Variants in DCHS2 observed in about 807,000 individuals in gnomAD.
DCHS2 encodes protocadherin-23.
A neutral mutation model predicts 182.4 loss-of-function variants in DCHS2; 142 were observed. The observed-to-expected ratio is 0.78, with a 90% confidence interval of 0.68 to 0.89. The LOEUF (loss-of-function observed/expected upper bound fraction) is 0.89, where lower values mean the gene tolerates loss of function less well. DCHS2 is among the 40% of genes least tolerant of loss of function. The pLI is 0.00. For missense variants in DCHS2, 4,319 were observed against 4,198.6 expected, an observed-to-expected ratio of 1.03 and a Z score of -0.79; for synonymous variants, 1,740 against 1,663.3, an observed-to-expected ratio of 1.05 and a Z score of -1.12.
chr4:154,304,972 G>A, intron 11 of DCHS2, 94 bp from the exon 12 acceptor site: 1 of 1,508,256 alleles, frequency 6.6e-7, no homozygotes, highest in Non-Finnish European at 8.8e-7. Context: ...TAACCAGGTA[G>A]CACTGGCTCA....
intron 16 of DCHS2, among the ~76,000 whole-genome samples, chr4:154,248,355 A>T (rs1242155239): frequency 6.6e-6 from 1 of 152,194 alleles, no homozygotes; most frequent in Admixed American, 6.5e-5. Context: ...CAGGAAGTTA[A>T]GAGATAATGT....
chr4:154,238,245 C>T (rs1000757057), intron 19 of DCHS2, among the ~76,000 whole-genome samples: 1 of 152,170 alleles, frequency 6.6e-6, no homozygotes. Context: ...CGTTCATCCA[C>T]AGGCAGCATG....
rs116814307 is a variant in DCHS2, at chr4:154,255,570, C to T, written c.6890G>A (p.Gly2297Asp). ...TAGAATCGCTTTTGTTGTTATCACACCACTCAGTGCATCAATCTGGAATGC... is the reference window on the plus strand; with the variant it reads ...TAGAATCGCTTTTGTTGTTATCACATCACTCAGTGCATCAATCTGGAATGC... Reference protein sequence around the residue: ...EEAFQIDALSGVITTKAILDY... With the variant: ...EEAFQIDALSDVITTKAILDY... Residue 2297 changes from glycine to aspartate, a missense_variant, in exon 16 of 20, where the codon GGT becomes GAT. By Grantham distance (94) the Gly-to-Asp change is moderately conservative. Coordinates refer to ENST00000357232, the MANE Select transcript of DCHS2 (RefSeq NM_001358235.2). The T allele has an allele frequency of 1.5e-4, 239 of 1,614,012 alleles. No individual in the cohort carries two copies. In the African/African-American group the frequency reaches 3.0e-3, roughly 20 times the overall value.
chr4:154,373,695 G>T (rs1467037868), intron 2 of DCHS2, among the ~76,000 whole-genome samples: 2 of 152,126 alleles, frequency 1.3e-5, no homozygotes, highest in Non-Finnish European at 1.5e-5. Flanking sequence ...TCCAGGAGGG[G>T]CCCTGCTTCC....
intron 10 of DCHS2, among the ~76,000 whole-genome samples, chr4:154,313,756 G>A (rs1735754488): frequency 6.6e-6 from 1 of 152,140 alleles, no homozygotes; most frequent in Non-Finnish European, 1.5e-5. Context: ...GAGATTTCCA[G>A]TAAATCAAAA....
At chr4:154,408,599 T>C (rs1270196395) in intron 1 of DCHS2, among the ~76,000 whole-genome samples, 1 of 152,182 alleles carries the variant, frequency 6.6e-6, no homozygotes, top group Non-Finnish European at 1.5e-5. Flanking sequence ...TAGCACTCAT[T>C]CCCACACAAA....
At chr4:154,475,908 C>G (rs1047641311) in intron 1 of DCHS2, among the ~76,000 whole-genome samples, 2 of 152,176 alleles carry the variant, frequency 1.3e-5, no homozygotes, top group East Asian at 1.9e-4. Context: ...AAACACAGAG[C>G]CAGATAGATT....
chr4:154,257,956 T>C (rs1375213080), intron 15 of DCHS2, among the ~76,000 whole-genome samples: 1 of 152,152 alleles, frequency 6.6e-6, no homozygotes, highest in African/African-American at 2.4e-5. Flanking sequence ...GCAATTTAGC[T>C]CCATCCCAGT....
intron 16 of DCHS2, among the ~76,000 whole-genome samples, chr4:154,244,384 T>C (rs1013971928): frequency 3.3e-5 from 5 of 152,204 alleles, no homozygotes; most frequent in African/African-American, 1.2e-4. Context: ...CACATTCTAA[T>C]GTATAATTAT....
chr4:154,333,219 C>T lies in DCHS2; in HGVS notation c.2989G>A (p.Ala997Thr), dbSNP rs1728571199. 2 of 1,614,086 alleles carry T rather than the reference C, an allele frequency of 1.2e-6. No homozygotes were observed. Among genetic ancestry groups the T allele is most frequent in the African/African-American group, 2.7e-5 (2 of 74,930 alleles). Residue 997 changes from alanine (A) to threonine (T), a missense_variant, in exon 5 of 20, where the codon GCC becomes ACC. Ala to Thr is a moderately conservative substitution (Grantham distance 58). Transcript: ENST00000357232. Reference sequence around the variant, plus strand: ...TCTTCCGCACGTGCGAGGTACAAGGCTGTGCCAGGGGGCGTGGTCTGGGAT... The same window carrying T: ...TCTTCCGCACGTGCGAGGTACAAGGTTGTGCCAGGGGGCGTGGTCTGGGAT... ...RISQTTPPGT[A>T]LYLARAEDRD...
At chr4:154,442,541 C>CACACACA (rs1262654094) in intron 1 of DCHS2, among the ~76,000 whole-genome samples, 4 of 50,322 alleles carry the variant, frequency 7.9e-5, no homozygotes, top group Non-Finnish European at 1.2e-4. Flanking sequence ...CCCCCCCCCC[C>CACACACA]CACACACACA....
chr4:154,333,093 C>T lies in DCHS2; in HGVS notation c.3115G>A (p.Gly1039Ser). Reference sequence around the variant, plus strand: ...CGCTGCTCGCCCGCGCCCAGGCTGCCGTTGAGGAACAGCACCCCCAGGGCT... The same window carrying T: ...CGCTGCTCGCCCGCGCCCAGGCTGCTGTTGAGGAACAGCACCCCCAGGGCT... ...DRALGVLFLN[G>S]SLGAGEQREL... Residue 1039 changes from glycine (G) to serine (S), a missense_variant, in exon 5 of 20, where the codon GGC (glycine) becomes AGC (serine). Gly to Ser is a moderately conservative substitution (Grantham distance 56). Coordinates refer to ENST00000357232, the MANE Select transcript of DCHS2 (RefSeq NM_001358235.2). The T allele has an allele frequency of 6.2e-7, 1 of 1,614,008 alleles. No homozygotes were observed. Among genetic ancestry groups the T allele is most frequent in the Non-Finnish European group, 8.5e-7 (1 of 1,179,986 alleles).
At position 154,239,193 on chromosome 4, in the gene DCHS2, TCCTTAGAAGAGGATA is replaced by T; in HGVS notation, c.7454_7468del (p.Leu2485_Glu2490delinsGln). On this transcript the variant is annotated inframe_deletion, in exon 19 of 20. Transcript: ENST00000357232. ...ACCATTCTTAGGATCAATGGAGAAT[TCCTTAGAAGAGGATA>T]GAATTCTGTAAGAAATGTTCTCATT... 6.2e-7 allele frequency: 1 copy of T among 1,612,850 alleles called. No individual in the cohort carries two copies. The highest frequency in any genetic ancestry group is 1.1e-5 in the South Asian group (1 of 90,956).
At position 154,235,664 on chromosome 4, in the gene DCHS2, G is replaced by A; in HGVS notation, c.8988C>T (p.Ile2996=). Residue 2996 remains isoleucine (I), a synonymous_variant, in exon 20 of 20, where the codon ATC becomes ATT. Coordinates refer to ENST00000357232, the MANE Select transcript of DCHS2 (RefSeq NM_001358235.2). ...ACACTAAAAAGGAGACCACCAGGCT[G>A]ATTGAAAAGCTGCTGGCGAACACTG... ...PLAVFASSFS[I]SLVVSFLVFL... is the part of the protein sequence containing the mutation. 6.2e-7 allele frequency: 1 copy of A among 1,613,932 alleles called. No homozygotes were observed. Among genetic ancestry groups the A allele is most frequent in the East Asian group, 2.2e-5 (1 of 44,816 alleles).
intron 1 of DCHS2, among the ~76,000 whole-genome samples, chr4:154,456,121 G>T (rs1734755914): frequency 6.6e-6 from 1 of 151,922 alleles, no homozygotes; most frequent in Non-Finnish European, 1.5e-5. Flanking sequence ...TGTTCTCCAG[G>T]CTGCGCTTCT....
chr4:154,259,854 G>T (rs774208014), intron 14 of DCHS2, 98 bp from the exon 15 acceptor site: 3 of 1,310,734 alleles, frequency 2.3e-6, no homozygotes, highest in South Asian at 1.8e-5. Flanking sequence ...ACAGAGTCTC[G>T]CACTGTCGCC....
rs1424173065 is a variant in DCHS2 at position 154,239,205 on chromosome 4, G to T, written c.7457C>A (p.Ser2486Tyr). ...SNENISYRIL[S>Y]SSKEFSIDPK... Reference sequence around the variant, plus strand: ...ATCAATGGAGAATTCCTTAGAAGAGGATAGAATTCTGTAAGAAATGTTCTC... The same window carrying T: ...ATCAATGGAGAATTCCTTAGAAGAGTATAGAATTCTGTAAGAAATGTTCTC... The change falls in exon 19 of 20, where the codon TCC becomes TAC. Residue 2486 changes from serine (S) to tyrosine (Y), a missense_variant. Coordinates refer to ENST00000357232, the MANE Select transcript of DCHS2 (RefSeq NM_001358235.2). The T allele has an allele frequency of 6.2e-7, 1 of 1,613,248 alleles. No homozygotes were observed. The highest frequency in any genetic ancestry group is 8.5e-7 in the Non-Finnish European group (1 of 1,179,620).
At chr4:154,345,274 G>C (rs1395559027) in intron 3 of DCHS2, among the ~76,000 whole-genome samples, 1 of 152,174 alleles carries the variant, frequency 6.6e-6, no homozygotes, top group Non-Finnish European at 1.5e-5. Flanking sequence ...GTTAATCTTG[G>C]TGTTTCCTTT....
chr4:154,435,797 A>G (rs2110944962), intron 1 of DCHS2, among the ~76,000 whole-genome samples: 1 of 152,332 alleles, frequency 6.6e-6, no homozygotes, highest in Non-Finnish European at 1.5e-5. Flanking sequence ...AGGACTTGTT[A>G]CACAAATGTT....
Sources: allele counts gnomAD v4.1 joint callset (sites outside exome capture counted in the v4.1 genomes callset), GRCh38; gene constraint gnomAD v4.1.1; transcripts MANE v1.5; gene names NCBI Gene and HGNC (gene_info 2026-07-23, HGNC 2026-07-21).